Variants in TIGD1 observed in about 807,000 individuals in gnomAD.
TIGD1 encodes the protein tigger transposable element derived 1.
Under a neutral mutation model 21.3 loss-of-function variants are expected in TIGD1, and 20 were observed. The ratio of observed to expected loss-of-function variants is 0.94; its 90% CI spans 0.66 to 1.36. TIGD1 has a LOEUF of 1.36. TIGD1 is among the 40% of genes most tolerant of loss of function. The pLI, the probability that TIGD1 is intolerant of heterozygous loss-of-function variation, is 0.00. For synonymous variants in TIGD1, 177 were observed against 123.2 expected (o/e 1.44, Z -2.89); for missense variants, 556 against 350.5 (o/e 1.59, Z -4.68).
At position 232,544,001 on chromosome 2, in the gene TIGD1, G is replaced by A. The variant is rs918927728; in HGVS notation, c.*4106C>T. The stretch of plus-strand genomic sequence containing the variant: ...GCCCAAGGAAGTGCACTACAAAGTC[G>A]AAAAAGCAGGAGTCTGCCAGGGCAG... On this transcript the variant is annotated 3_prime_UTR_variant, in exon 1 of 1. Coordinates refer to ENST00000408957, the MANE Select transcript of TIGD1 (RefSeq NM_145702.4). 9.8e-5 allele frequency among the ~76,000 whole-genome samples: 15 copies of A among 152,308 alleles called. No individual in the cohort carries two copies. The highest frequency in any genetic ancestry group is 4.6e-4 in the Admixed American group (7 of 15,306).
Position 232,550,507 on chromosome 2 carries a change from A to G in TIGD1, c.-625T>C. The G allele has an allele frequency of 1.6e-6, 1 of 607,442 alleles. No homozygotes were observed. The highest frequency in any genetic ancestry group is 2.9e-6 in the Non-Finnish European group (1 of 343,036). The allele number at this position is 607,442 out of a possible 1,614,324, so 37.6% of individuals were successfully genotyped here. On this transcript the variant is annotated 5_prime_UTR_variant, in exon 1 of 1. Coordinates refer to ENST00000408957, the MANE Select transcript of TIGD1 (RefSeq NM_145702.4). ...GGGCGGGTCACAAGGACCTGGACAG[A>G]GGCAGAACTGAGGCCAGCAGCCAGC...
Position 232,549,132 on chromosome 2 carries a change from T to C in TIGD1, c.751A>G (p.Thr251Ala), listed in dbSNP as rs909381933. 13 of 715,770 alleles carry C rather than the reference T, an allele frequency of 1.8e-5. No individual in the cohort carries two copies. Among genetic ancestry groups the C allele is most frequent in the African/African-American group, 3.5e-5 (2 of 57,162 alleles). 44.3% of individuals were successfully genotyped at this position (715,770 alleles called of 1,614,324 possible). ...SENPRALKNY[T>A]KSTLPVLYKW... ...TATAGCACGGGTAGAGTAGATTTAGTATAATTCTTAAGGGCCCTAGGATTT... is the reference window on the plus strand; with the variant it reads ...TATAGCACGGGTAGAGTAGATTTAGCATAATTCTTAAGGGCCCTAGGATTT... The change falls in exon 1 of 1, where the codon ACT becomes GCT. Residue 251 changes from threonine (T) to alanine (A), a missense_variant. By Grantham distance (58) the Thr-to-Ala change is moderately conservative. Transcript: ENST00000408957.
At position 232,545,754 on chromosome 2, in the gene TIGD1, C is replaced by T. The variant is rs1012108738; in HGVS notation, c.*2353G>A. On this transcript the variant is annotated 3_prime_UTR_variant, in exon 1 of 1. Transcript: ENST00000408957. ...CTGTGGGGCATGTGGGAGTCACACA[C>T]GTGGGTCACACTGAGTCTTATCAGC... 2.8e-5 allele frequency: 45 copies of T among 1,605,488 alleles called. No individual in the cohort carries two copies. The highest frequency in any genetic ancestry group is 3.3e-4 in the Middle Eastern group (2 of 6,070).
Position 232,545,402 on chromosome 2 carries a change from C to T in TIGD1, c.*2705G>A. 1 of 783,502 alleles carries T rather than the reference C, an allele frequency of 1.3e-6. No homozygotes were observed. The highest frequency in any genetic ancestry group is 1.5e-5 in the South Asian group (1 of 68,200). 48.5% of individuals were successfully genotyped at this position (783,502 alleles called of 1,614,324 possible). The stretch of plus-strand genomic sequence containing the variant: ...AGGGCCAGGGGGCCATGGAATTAGC[C>T]ACCAGTTGGGACCCGGACATAGGTA... On this transcript the variant is annotated 3_prime_UTR_variant, in exon 1 of 1. Coordinates refer to ENST00000408957, the MANE Select transcript of TIGD1 (RefSeq NM_145702.4).
rs1219087865 is a variant in TIGD1, at chr2:232,550,450, G to A, written c.-568C>T. ...CTGCCTTTTTTCCGAGCCGCTGCGG[G>A]AGGGGGCCAGGACACGCTCCCTTAG... On this transcript the variant is annotated 5_prime_UTR_variant, in exon 1 of 1. Coordinates refer to ENST00000408957, the MANE Select transcript of TIGD1 (RefSeq NM_145702.4). 3 of 497,054 alleles carry A rather than the reference G, an allele frequency of 6.0e-6. No homozygotes were observed. The highest frequency in any genetic ancestry group is 1.1e-5 in the Non-Finnish European group (3 of 275,398). 30.8% of individuals were successfully genotyped at this position (497,054 alleles called of 1,614,324 possible).
Position 232,545,344 on chromosome 2 carries a change from A to C in TIGD1, c.*2763T>G, listed in dbSNP as rs1692105775. 6.9e-6 allele frequency among the ~76,000 whole-genome samples: 1 copy of C among 145,972 alleles called. No individual in the cohort carries two copies. On this transcript the variant is annotated 3_prime_UTR_variant, in exon 1 of 1. Transcript: ENST00000408957. The stretch of plus-strand genomic sequence containing the variant: ...AAAAAAAAAAAAAAGGAAAGAAAGA[A>C]AGAAAAAGGAACAGGGGCAGGGGGG...
Position 232,546,809 on chromosome 2 carries a change from T to C in TIGD1, c.*1298A>G, listed in dbSNP as rs1692142041. On this transcript the variant is annotated 3_prime_UTR_variant, in exon 1 of 1. Transcript: ENST00000408957. ...CTGACCCAATCTGACACTCTAAGAT[T>C]CTACGGCCTGAAAAACAGGCCCTTC... Among the ~76,000 whole-genome samples, 1 of 152,174 alleles carries C rather than the reference T, an allele frequency of 6.6e-6. No homozygotes were observed. The highest frequency in any genetic ancestry group is 1.9e-4 in the East Asian group (1 of 5,184).
rs1692151568 is a variant in TIGD1, at chr2:232,547,369, G to A, written c.*738C>T. ...GGAGGTCTAGGCTGCAGTGAGCTGTGATCATGTGACTGCACTCCAGCCTGA... is the reference window on the plus strand; with the variant it reads ...GGAGGTCTAGGCTGCAGTGAGCTGTAATCATGTGACTGCACTCCAGCCTGA... On this transcript the variant is annotated 3_prime_UTR_variant, in exon 1 of 1. Transcript: ENST00000408957. Among the ~76,000 whole-genome samples, 2 of 152,118 alleles carry A rather than the reference G, an allele frequency of 1.3e-5. No homozygotes were observed. Among genetic ancestry groups the A allele is most frequent in the Admixed American group, 1.3e-4 (2 of 15,274 alleles).
chr2:232,546,163 G>A lies in TIGD1; in HGVS notation c.*1944C>T, dbSNP rs1390382977. The A allele has an allele frequency of 1.1e-5, 3 of 268,052 alleles. No individual in the cohort carries two copies. The highest frequency in any genetic ancestry group is 2.2e-5 in the Non-Finnish European group (3 of 135,584). 16.6% of individuals were successfully genotyped at this position (268,052 alleles called of 1,614,324 possible). A position where few individuals can be genotyped will look rare whatever the true frequency, so the allele number is the denominator to read the frequency against. ...CAGCCGATGCTCTCTCCAAAGCAGG[G>A]CAGCAGCCCATACCAGCTGGCATCT... On this transcript the variant is annotated 3_prime_UTR_variant, in exon 1 of 1. Transcript: ENST00000408957.
In TIGD1 at chr2:232,544,425, C is replaced by G. The variant is rs757694823; in HGVS notation, c.*3682G>C. The G allele has an allele frequency of 8.1e-6, 13 of 1,613,640 alleles. No homozygotes were observed. The Middle Eastern group carries it at 4.9e-4, about 61-fold the overall frequency. ...ATGCACGTTCGCCCGCTGGCCCCGGCAGCTGTGCAGGACACCCAGTCCCGG... is the reference window on the plus strand; with the variant it reads ...ATGCACGTTCGCCCGCTGGCCCCGGGAGCTGTGCAGGACACCCAGTCCCGG... On this transcript the variant is annotated 3_prime_UTR_variant, in exon 1 of 1. Transcript: ENST00000408957.
rs1480806739 is a variant in TIGD1, at chr2:232,546,834, C to G, written c.*1273G>C. 2.0e-5 allele frequency among the ~76,000 whole-genome samples: 3 copies of G among 152,172 alleles called. No homozygotes were observed. Among genetic ancestry groups the G allele is most frequent in the African/African-American group, 7.2e-5 (3 of 41,436 alleles). On this transcript the variant is annotated 3_prime_UTR_variant, in exon 1 of 1. Transcript: ENST00000408957. ...TCTACGGCCTGAAAAACAGGCCCTT[C>G]TTCCCAAAGGATGGTTAAGACAAGG... is the stretch of plus-strand genomic sequence containing the variant.
chr2:232,549,807 G>C lies in TIGD1; in HGVS notation c.76C>G (p.Leu26Val). ...TLNQKLEMIK[L>V]SEEGMSKAEI... The stretch of plus-strand genomic sequence containing the variant: ...GCTTTTGACATACCTTCCTCACTCA[G>C]TTTAATCATTTCTAGTTTTTGATTT... Residue 26 changes from leucine (L) to valine (V), a missense_variant, in exon 1 of 1, where the codon CTG becomes GTG. Coordinates refer to ENST00000408957, the MANE Select transcript of TIGD1 (RefSeq NM_145702.4). 1 of 1,546,394 alleles carries C rather than the reference G, an allele frequency of 6.5e-7. No individual in the cohort carries two copies. Among genetic ancestry groups the C allele is most frequent in the Non-Finnish European group, 8.7e-7 (1 of 1,144,460 alleles).
In TIGD1 at chr2:232,548,859, A is replaced by G; in HGVS notation, c.1024T>C (p.Phe342Leu). ...GTATTTCTCAAATAATAAGACTTGAAGGTCGAAATTACCCCTTGATCCATG... is the reference window on the plus strand; with the variant it reads ...GTATTTCTCAAATAATAAGACTTGAGGGTCGAAATTACCCCTTGATCCATG... ...QPMDQGVIST[F>L]KSYYLRNTFH... Residue 342 changes from phenylalanine to leucine, a missense_variant, in exon 1 of 1, where the codon TTC becomes CTC. By Grantham distance (22) the Phe-to-Leu change is conservative. Coordinates refer to ENST00000408957, the MANE Select transcript of TIGD1 (RefSeq NM_145702.4). 1.6e-6 allele frequency: 1 copy of G among 623,394 alleles called. No individual in the cohort carries two copies. The highest frequency in any genetic ancestry group is 1.7e-5 in the South Asian group (1 of 59,504). The allele number at this position is 623,394 out of a possible 1,614,324, so 38.6% of individuals were successfully genotyped here. A position where few individuals can be genotyped will look rare whatever the true frequency, so the allele number is the denominator to read the frequency against.
chr2:232,548,071 A>G lies in TIGD1; in HGVS notation c.*36T>C. 1.7e-6 allele frequency: 1 copy of G among 601,060 alleles called. No individual in the cohort carries two copies. Among genetic ancestry groups the G allele is most frequent in the Non-Finnish European group, 2.9e-6 (1 of 349,056 alleles). 37.2% of individuals were successfully genotyped at this position (601,060 alleles called of 1,614,324 possible). A position where few individuals can be genotyped will look rare whatever the true frequency, so the allele number is the denominator to read the frequency against. ...CTAATAAAACAATATACATACCTAA[A>G]TTTAAAAATACTTTATTGCTAAAAA... On this transcript the variant is annotated 3_prime_UTR_variant, in exon 1 of 1. Transcript: ENST00000408957.
At position 232,545,988 on chromosome 2, in the gene TIGD1, T is replaced by C. The variant is rs1194001790; in HGVS notation, c.*2119A>G. The C allele has an allele frequency of 8.7e-6, 5 of 577,028 alleles. No homozygotes were observed. Among genetic ancestry groups the C allele is most frequent in the African/African-American group, 5.6e-5 (3 of 53,916 alleles). The allele number at this position is 577,028 out of a possible 1,614,324, so 35.7% of individuals were successfully genotyped here. ...TGGCACCAGCCACCCCTCCACTCAGTGCACTCCCCTCACTTAGGCAAAGCA... is the reference window on the plus strand; with the variant it reads ...TGGCACCAGCCACCCCTCCACTCAGCGCACTCCCCTCACTTAGGCAAAGCA... On this transcript the variant is annotated 3_prime_UTR_variant, in exon 1 of 1. Transcript: ENST00000408957.
Position 232,549,495 on chromosome 2 carries a change from CA to C in TIGD1, c.387del (p.Phe129LeufsTer9), listed in dbSNP as rs1486749632. The C allele has an allele frequency of 2.9e-5, 20 of 680,480 alleles. No homozygotes were observed. The highest frequency in any genetic ancestry group is 1.3e-4 in the South Asian group (8 of 60,500). 42.2% of individuals were successfully genotyped at this position (680,480 alleles called of 1,614,324 possible). A position where few individuals can be genotyped will look rare whatever the true frequency, so the allele number is the denominator to read the frequency against. Reference sequence around the variant, plus strand: ...CTCATGAACCAACCTCTGCTAGCTTCAAACTTTTCTTCTGCAGCTTCCACAC... The same window carrying C: ...CTCATGAACCAACCTCTGCTAGCTTCAACTTTTCTTCTGCAGCTTCCACAC... ...ERGVEAAEEK[F>X]EASRGWFMRF... On this transcript the variant is annotated frameshift_variant, in exon 1 of 1. Coordinates refer to ENST00000408957, the MANE Select transcript of TIGD1 (RefSeq NM_145702.4). LOFTEE classifies it high-confidence loss of function.
rs1692093364 is a variant in TIGD1, at chr2:232,544,794, G to A, written c.*3313C>T. 1 of 1,614,052 alleles carries A rather than the reference G, an allele frequency of 6.2e-7. No homozygotes were observed. Among genetic ancestry groups the A allele is most frequent in the Non-Finnish European group, 8.5e-7 (1 of 1,180,016 alleles). On this transcript the variant is annotated 3_prime_UTR_variant, in exon 1 of 1. Transcript: ENST00000408957. ...CAGAGAAAGGCCCGGAGTTAGGGCT[G>A]AGCCAGTTCTGTGGCAGCCTGAAGC...
In TIGD1 at chr2:232,550,157, G is replaced by A. The variant is rs924271251; in HGVS notation, c.-275C>T. ...GAGAATTACCAAAATGTAACACAGA[G>A]ACACCAAGTGAGCACATGCTGTTGG... On this transcript the variant is annotated 5_prime_UTR_variant, in exon 1 of 1. Coordinates refer to ENST00000408957, the MANE Select transcript of TIGD1 (RefSeq NM_145702.4). 14 of 366,442 alleles carry A rather than the reference G, an allele frequency of 3.8e-5. No homozygotes were observed. Among genetic ancestry groups the A allele is most frequent in the African/African-American group, 2.7e-4 (13 of 47,414 alleles). 22.7% of individuals were successfully genotyped at this position (366,442 alleles called of 1,614,324 possible).
rs563615750 is a variant in TIGD1 at position 232,544,261 on chromosome 2, G to A, written c.*3846C>T. The stretch of plus-strand genomic sequence containing the variant: ...TTTACCAAGGCCACGTCACTGCCCC[G>A]GTATGCTGCCTCCATGGTCCCTAGC... On this transcript the variant is annotated 3_prime_UTR_variant, in exon 1 of 1. Coordinates refer to ENST00000408957, the MANE Select transcript of TIGD1 (RefSeq NM_145702.4). 29 of 876,970 alleles carry A rather than the reference G, an allele frequency of 3.3e-5. No individual in the cohort carries two copies. Among genetic ancestry groups the A allele is most frequent in the African/African-American group, 9.8e-5 (6 of 61,122 alleles). 54.3% of individuals were successfully genotyped at this position (876,970 alleles called of 1,614,324 possible). A position where few individuals can be genotyped will look rare whatever the true frequency, so the allele number is the denominator to read the frequency against.
Sources: gnomAD v4.1 joint callset for allele counts (sites outside exome capture counted in the v4.1 genomes callset) on GRCh38, gnomAD v4.1.1 for gene constraint, MANE v1.5 for transcripts, NCBI Gene and HGNC (gene_info 2026-07-23, HGNC 2026-07-21) for gene names.